The following TBC1D14 variants were observed in gnomAD, a reference collection of about 807,000 sequenced individuals.
TBC1D14 encodes TBC1 domain family, member 14.
Under a neutral mutation model 79.0 loss-of-function variants are expected in TBC1D14, and 26 were observed. The observed-to-expected ratio is 0.33, with a 90% CI of 0.24 to 0.46. TBC1D14 has a LOEUF of 0.46. TBC1D14 is among the 20% of genes least tolerant of loss of function. The probability of loss-of-function intolerance (pLI) is 1.00; values close to 1 mark genes in which losing one functional copy is unlikely to be tolerated. For missense variants in TBC1D14, 769 were observed against 887.6 expected, an observed-to-expected ratio of 0.87 and a Z score of 1.70; for synonymous variants, 394 against 349.9, an observed-to-expected ratio of 1.13 and a Z score of -1.40.
chr4:6,955,637 A>C (rs1200489083), intron 2 of TBC1D14, among the ~76,000 whole-genome samples: 2 of 152,172 alleles, frequency 1.3e-5, no homozygotes, highest in Non-Finnish European at 2.9e-5. Flanking sequence ...GAGACAAAGG[A>C]GGGAAAGAGC....
At chr4:7,015,410 C>A (rs778257545) in intron 12 of TBC1D14, among the ~76,000 whole-genome samples, 15 of 152,112 alleles carry the variant, frequency 9.9e-5, no homozygotes, top group Non-Finnish European at 7.4e-5. Flanking sequence ...AGACCAAAGA[C>A]AAAGGGAGAA....
chr4:6,978,003 G>A (rs1388102964), intron 3 of TBC1D14, among the ~76,000 whole-genome samples: 18 of 151,688 alleles, frequency 1.2e-4, no homozygotes, highest in Admixed American at 4.6e-4. Flanking sequence ...CCCTCCGCCC[G>A]GCAGCCACTC....
intron 2 of TBC1D14, among the ~76,000 whole-genome samples, chr4:6,945,384 G>GA (rs533459068): frequency 7.8e-4 from 119 of 152,072 alleles, no homozygotes; most frequent in African/African-American, 2.6e-3. Context: ...GGCGTAGCTT[G>GA]AAAAAAAATC....
At chr4:6,977,320 G>A (rs1369653817) in intron 3 of TBC1D14, among the ~76,000 whole-genome samples, 5 of 147,720 alleles carry the variant, frequency 3.4e-5, no homozygotes, top group African/African-American at 1.2e-4. Context: ...ACGGGGTTTC[G>A]CTGTGTTGGC....
At chr4:6,985,563 T>TA (rs1461348985) in intron 3 of TBC1D14, among the ~76,000 whole-genome samples, 1 of 152,212 alleles carries the variant, frequency 6.6e-6, no homozygotes, top group Non-Finnish European at 1.5e-5. Flanking sequence ...ATGGCTAGGT[T>TA]AGATTTCAAT....
chr4:6,950,691 T>A (rs912583981), intron 2 of TBC1D14, among the ~76,000 whole-genome samples: 1 of 152,258 alleles, frequency 6.6e-6, no homozygotes, highest in African/African-American at 2.4e-5. Context: ...TAACTTATGT[T>A]TTCTCCTTTA....
chr4:7,023,304 G>A (rs530766665), intron 12 of TBC1D14, among the ~76,000 whole-genome samples: 11 of 152,084 alleles, frequency 7.2e-5, no homozygotes, highest in East Asian at 3.9e-4. Flanking sequence ...TTCCCCATCC[G>A]TTTTTTTCTC....
intron 13 of TBC1D14, 132 bp from the exon 14 acceptor site, chr4:7,030,195 T>C: frequency 1.3e-6 from 1 of 774,550 alleles, no homozygotes; most frequent in Non-Finnish European, 2.2e-6. Flanking sequence ...TGGAAGACCC[T>C]GGAGGGTTGG....
intron 2 of TBC1D14, among the ~76,000 whole-genome samples, chr4:6,956,732 T>C (rs114929987): frequency 0.012 from 1,803 of 152,340 alleles, 33 homozygotes; most frequent in African/African-American, 0.04. Context: ...ATGCAGGTGA[T>C]ACGAGGTTAC....
rs1341510363 is a variant in TBC1D14 at position 6,946,390 on chromosome 4, T to TG, written c.723-20912dup. Among the ~76,000 whole-genome samples the TG allele has an allele frequency of 3.3e-5, 5 of 152,292 alleles. No individual in the cohort carries two copies. In the South Asian group the frequency reaches 1.0e-3, roughly 32 times the overall value. On this transcript the variant is annotated intron_variant, in intron 2 of 13. Coordinates refer to ENST00000409757, the MANE Select transcript of TBC1D14 (RefSeq NM_020773.3). Reference sequence around the variant, plus strand: ...CTCTGTCACCCAGGCTGGAGTGCAATGGTGCAATCTTGGCTCACTGTAACC... The same window carrying TG: ...CTCTGTCACCCAGGCTGGAGTGCAATGGGTGCAATCTTGGCTCACTGTAACC...
chr4:6,960,484 G>A (rs1357947465), intron 2 of TBC1D14, among the ~76,000 whole-genome samples: 3 of 152,070 alleles, frequency 2.0e-5, no homozygotes, highest in South Asian at 4.1e-4. Context: ...GGCTGTACAG[G>A]CAAATGCAGA....
intron 3 of TBC1D14, among the ~76,000 whole-genome samples, chr4:6,980,391 A>G (rs868623356): frequency 6.6e-6 from 1 of 152,212 alleles, no homozygotes; most frequent in African/African-American, 2.4e-5. Context: ...CAGTGCTTAG[A>G]GGGAAACGTA....
chr4:6,949,212 C>A (rs962631958), intron 2 of TBC1D14, among the ~76,000 whole-genome samples: 1 of 152,046 alleles, frequency 6.6e-6, no homozygotes, highest in Non-Finnish European at 1.5e-5. Flanking sequence ...CGCCTGTAAT[C>A]CCAGCACTTG....
rs564673924 is a variant in TBC1D14, at chr4:7,006,847, G to A, written c.1446+121G>A. On this transcript the variant is annotated intron_variant, in intron 9 of 13. Coordinates refer to ENST00000409757, the MANE Select transcript of TBC1D14 (RefSeq NM_020773.3). The stretch of plus-strand genomic sequence containing the variant: ...GGGTTTTTGGGGGTGTTAGGAGGTA[G>A]GGTGGATGTTACTATTAAATACATT... The A allele has an allele frequency of 9.8e-5, 71 of 726,206 alleles. 1 individual carries two copies. In the South Asian group the frequency reaches 1.3e-3, roughly 14 times the overall value. The allele number at this position is 726,206 out of a possible 1,614,324, so 45.0% of individuals were successfully genotyped here. A position where few individuals can be genotyped will look rare whatever the true frequency, so the allele number is the denominator to read the frequency against.
At chr4:6,950,764 T>A (rs68169399) in intron 2 of TBC1D14, among the ~76,000 whole-genome samples, 21,019 of 152,252 alleles carry the variant, frequency 0.14, 2,048 homozygotes, top group African/African-American at 0.28. Context: ...TAATCCCAAC[T>A]TGTTCATAAT....
intron 13 of TBC1D14, among the ~76,000 whole-genome samples, chr4:7,025,530 T>C (rs1722274686): frequency 6.6e-6 from 1 of 152,094 alleles, no homozygotes; most frequent in Admixed American, 6.5e-5. Flanking sequence ...GGTCAGCACT[T>C]GTATCATTAT....
At chr4:7,007,524 G>A in intron 9 of TBC1D14, 1 of 1,289,228 alleles carries the variant, frequency 7.8e-7, no homozygotes, top group Non-Finnish European at 1.0e-6. Context: ...CTTTACTCAG[G>A]TTCTCATCTT....
chr4:6,965,127 C>T (rs1009633982), intron 2 of TBC1D14, among the ~76,000 whole-genome samples: 3 of 151,814 alleles, frequency 2.0e-5, no homozygotes, highest in Middle Eastern at 3.2e-3. Context: ...AATCCACAGT[C>T]TGTAACCATA....
At chr4:7,001,402 G>A in intron 7 of TBC1D14, 151 bp downstream of exon 7, 1 of 668,518 alleles carries the variant, frequency 1.5e-6, no homozygotes, top group Non-Finnish European at 2.6e-6. Flanking sequence ...GAGAGGGGCA[G>A]TTGGGAGGCC....
Sources: gnomAD v4.1 joint callset for allele counts (sites outside exome capture counted in the v4.1 genomes callset) on GRCh38, gnomAD v4.1.1 for gene constraint, MANE v1.5 for transcripts, NCBI Gene and HGNC (gene_info 2026-07-23, HGNC 2026-07-21) for gene names.